The following KCNH8 variants were observed in gnomAD, a reference collection of about 807,000 sequenced individuals.
KCNH8 encodes potassium voltage-gated channel subfamily H member 8.
In KCNH8, 70 loss-of-function variants were observed where a neutral mutation model predicts 103.6. That is an observed-to-expected ratio of 0.68 (90% CI 0.56 to 0.82). The LOEUF is 0.82. KCNH8 is among the 40% of genes least tolerant of loss of function. The pLI is 0.00. For missense variants in KCNH8, 1,217 were observed against 1,329.9 expected (o/e 0.92, Z 1.32); for synonymous variants, 498 against 489.4 (o/e 1.02, Z -0.23).
chr3:19,530,352 TA>T (rs1335476762), intron 15 of KCNH8, among the ~76,000 whole-genome samples: 1 of 152,166 alleles, frequency 6.6e-6, no homozygotes, highest in Non-Finnish European at 1.5e-5. Context: ...GTGGTTATAC[TA>T]ATTATCCTGA....
chr3:19,265,925 C>T (rs2064503353), intron 2 of KCNH8, among the ~76,000 whole-genome samples: 1 of 152,068 alleles, frequency 6.6e-6, no homozygotes, highest in African/African-American at 2.4e-5. Context: ...TTCATGCTTC[C>T]TGACACTGTC....
At chr3:19,484,007 T>G (rs1180732196) in intron 11 of KCNH8, among the ~76,000 whole-genome samples, 1 of 150,954 alleles carries the variant, frequency 6.6e-6, no homozygotes, top group African/African-American at 2.5e-5. Flanking sequence ...TCATATAGTC[T>G]TTTTTTTAAT....
chr3:19,391,631 G>C (rs1014595886), intron 6 of KCNH8: 1 of 151,960 alleles, frequency 6.6e-6, no homozygotes, highest in Non-Finnish European at 1.5e-5. Context: ...TGTTAGTGCA[G>C]ACTTGTGCAT....
At chr3:19,448,621 A>G (rs1380898423) in intron 8 of KCNH8, among the ~76,000 whole-genome samples, 1 of 152,094 alleles carries the variant, frequency 6.6e-6, no homozygotes, top group Non-Finnish European at 1.5e-5. Context: ...GGAAGATAGA[A>G]GTAATAATAT....
rs552242549 is a variant in KCNH8, at chr3:19,258,582, A to G, written c.310+4695A>G. 1.5e-3 allele frequency among the ~76,000 whole-genome samples: 223 copies of G among 152,134 alleles called. 2 individuals carry two copies. Among genetic ancestry groups the G allele is most frequent in the Middle Eastern group, 6.8e-3 (2 of 294 alleles). On this transcript the variant is annotated intron_variant, in intron 2 of 15. Transcript: ENST00000328405. ...TAACTACCTGAATCCTGAACTTAAC[A>G]TGCAGAGTGCTTTTTGAAAGGATTT...
chr3:19,456,760 CTT>C lies in KCNH8; in HGVS notation c.1826-6_1826-5del. The C allele has an allele frequency of 6.4e-7, 1 of 1,573,432 alleles. No homozygotes were observed. Among genetic ancestry groups the C allele is most frequent in the South Asian group, 1.1e-5 (1 of 89,906 alleles). ...TTTTTTGAAAATGATCTCTCTCTCTCTTTCTAGGGAAAGGGGATTTAATTGGA... is the reference window on the plus strand; with the variant it reads ...TTTTTTGAAAATGATCTCTCTCTCTCTCTAGGGAAAGGGGATTTAATTGGA... On this transcript the variant is annotated splice_region_variant and splice_polypyrimidine_tract_variant and intron_variant, in intron 10 of 15. Coordinates refer to ENST00000328405, the MANE Select transcript of KCNH8 (RefSeq NM_144633.3).
chr3:19,333,415 A>C (rs1358737251), intron 3 of KCNH8, among the ~76,000 whole-genome samples: 1 of 152,216 alleles, frequency 6.6e-6, no homozygotes, highest in East Asian at 1.9e-4. Context: ...TTGCAAATGC[A>C]TGGTAAGAAT....
chr3:19,392,794 A>G (rs753209303), intron 6 of KCNH8, among the ~76,000 whole-genome samples: 1 of 152,052 alleles, frequency 6.6e-6, no homozygotes, highest in Non-Finnish European at 1.5e-5. Flanking sequence ...ACAATTATGA[A>G]TAAGACATAG....
Position 19,513,102 on chromosome 3 carries a change from C to A in KCNH8, c.2212C>A (p.Arg738Ser). ...CATCTGCACAAGGGGATCTTCTTCG[C>A]GCAACAAGAAGGTTGGAAGCAATAA... ...SPICTRGSSS[R>S]NKKVGSNKAY... The change falls in exon 13 of 16, where the codon CGC becomes AGC. Residue 738 changes from arginine (R) to serine (S), a missense_variant. Coordinates refer to ENST00000328405, the MANE Select transcript of KCNH8 (RefSeq NM_144633.3). 6.2e-7 allele frequency: 1 copy of A among 1,613,812 alleles called. No homozygotes were observed. The highest frequency in any genetic ancestry group is 8.5e-7 in the Non-Finnish European group (1 of 1,179,916).
intron 7 of KCNH8, among the ~76,000 whole-genome samples, chr3:19,417,150 GATATAT>G (rs978584961): frequency 1.4e-5 from 2 of 148,114 alleles, no homozygotes; most frequent in South Asian, 2.1e-4. Flanking sequence ...ATATTTGGAA[GATATAT>G]ATATAATCTA....
chr3:19,378,575 G>A (rs1293488619), intron 5 of KCNH8, among the ~76,000 whole-genome samples: 2 of 152,176 alleles, frequency 1.3e-5, no homozygotes, highest in Admixed American at 1.3e-4. Flanking sequence ...CACAGAGTGG[G>A]AATGTTATGA....
intron 11 of KCNH8, among the ~76,000 whole-genome samples, chr3:19,496,239 G>C (rs1487889252): frequency 2.6e-5 from 4 of 152,186 alleles, no homozygotes; most frequent in Non-Finnish European, 5.9e-5. Flanking sequence ...ATGTTGAATA[G>C]GAGTCATGAT....
intron 5 of KCNH8, among the ~76,000 whole-genome samples, chr3:19,354,850 G>A (rs1286974145): frequency 6.6e-6 from 1 of 152,098 alleles, no homozygotes; most frequent in Non-Finnish European, 1.5e-5. Context: ...AACACCAAAA[G>A]CAATGGCAAC....
At chr3:19,394,039 A>G (rs1250480198) in intron 6 of KCNH8, among the ~76,000 whole-genome samples, 3 of 151,982 alleles carry the variant, frequency 2.0e-5, no homozygotes, top group Non-Finnish European at 2.9e-5. Flanking sequence ...AAGTCAACTG[A>G]CTTTAGATAA....
intron 3 of KCNH8, among the ~76,000 whole-genome samples, chr3:19,339,241 A>G (rs2065625514): frequency 6.6e-6 from 1 of 152,124 alleles, no homozygotes; most frequent in African/African-American, 2.4e-5. Context: ...AAAATCTGTT[A>G]TTAATTAGAT....
chr3:19,394,946 C>G (rs755123795), intron 6 of KCNH8, among the ~76,000 whole-genome samples, 158 bp from the exon 7 acceptor site: 4 of 151,978 alleles, frequency 2.6e-5, no homozygotes, highest in Admixed American at 6.6e-5. Flanking sequence ...AATTCTATCA[C>G]TTTCTGATAT....
At chr3:19,239,648 A>ATCTG (rs1277445831) in intron 1 of KCNH8, among the ~76,000 whole-genome samples, 2 of 145,636 alleles carry the variant, frequency 1.4e-5, no homozygotes, top group Admixed American at 1.4e-4. Context: ...CTATCTATCT[A>ATCTG]TCTATCTATC....
chr3:19,524,501 C>A (rs1465776503), intron 15 of KCNH8, among the ~76,000 whole-genome samples: 1 of 151,682 alleles, frequency 6.6e-6, no homozygotes, highest in East Asian at 1.9e-4. Context: ...TTTTCCAGTT[C>A]TTAAGCCTGT....
chr3:19,194,674 G>A (rs2063584203), intron 1 of KCNH8, among the ~76,000 whole-genome samples: 2 of 151,714 alleles, frequency 1.3e-5, no homozygotes, highest in Non-Finnish European at 2.9e-5. Flanking sequence ...TACTTATTGG[G>A]TACTAGGTTC....
Sources: allele counts gnomAD v4.1 joint callset (sites outside exome capture counted in the v4.1 genomes callset), GRCh38; gene constraint gnomAD v4.1.1; transcripts MANE v1.5; gene names NCBI Gene and HGNC (gene_info 2026-07-23, HGNC 2026-07-21).